The following PTCHD1 variants were observed in gnomAD, a reference collection of about 807,000 sequenced individuals.
The protein encoded by PTCHD1 is patched domain containing 1.
PTCHD1 carries 3 observed loss-of-function variants against 34.6 expected under a neutral mutation model. That is an observed-to-expected ratio of 0.09 (90% CI 0.04 to 0.22). PTCHD1 has a LOEUF of 0.22. Among genes scored for constraint, PTCHD1 ranks in the 10% least tolerant of loss-of-function variants. The probability of loss-of-function intolerance (pLI) is 1.00; values close to 1 mark genes in which losing one functional copy is unlikely to be tolerated. For missense variants in PTCHD1, 504 were observed against 685.5 expected, an observed-to-expected ratio of 0.74 and a Z score of 2.96; for synonymous variants, 305 against 283.1, an observed-to-expected ratio of 1.08 and a Z score of -0.77.
upstream of PTCHD1, chrX:23,334,787 TGCCGCCGCCGCCGCCGCC>T: frequency 5.7e-6 from 2 of 351,635 alleles, no homozygotes; most frequent in East Asian, 2.5e-4. Flanking sequence ...CGGGCGCCGC[TGCCGCCGCCGCCGCCGCC>T]GCCGCCGCCG....
In PTCHD1 at chrX:23,334,969, C is replaced by T; in HGVS notation, c.94C>T (p.Pro32Ser). 8.3e-7 allele frequency: 1 copy of T among 1,210,013 alleles called. No homozygotes were observed. Among genetic ancestry groups the T allele is most frequent in the Non-Finnish European group, 1.1e-6 (1 of 894,600 alleles). The change falls in exon 1 of 3, where the codon CCG becomes TCG. Residue 32 changes from proline to serine, a missense_variant. Physicochemically the swap from Pro to Ser is moderately conservative, Grantham distance 74 (BLOSUM62 -1). Coordinates refer to ENST00000379361, the MANE Select transcript of PTCHD1 (RefSeq NM_173495.3). ...TCACCCTGTCTTCTTCGCCTCGGCG[C>T]CGGTGCTCATCTCCATCCTGCTCGG... ...ASHPVFFASA[P>S]VLISILLGAS... is the part of the protein sequence containing the mutation.
At position 23,396,814 on chromosome X, in the gene PTCHD1, C is replaced by A. The variant is rs1330885064; in HGVS notation, c.*2629C>A. On this transcript the variant is annotated 3_prime_UTR_variant, in exon 3 of 3. Coordinates refer to ENST00000379361, the MANE Select transcript of PTCHD1 (RefSeq NM_173495.3). ...TTTTCTATTGGGAGATTATGCATGCCAAGATTTATTATTTATTGTTAGATA... is the reference window on the plus strand; with the variant it reads ...TTTTCTATTGGGAGATTATGCATGCAAAGATTTATTATTTATTGTTAGATA... 1 of 111,822 alleles carries A rather than the reference C, an allele frequency of 8.9e-6. No homozygotes were observed. Among genetic ancestry groups the A allele is most frequent in the African/African-American group, 3.3e-5 (1 of 30,661 alleles). 9.2% of individuals were successfully genotyped at this position (111,822 alleles called of 1,213,427 possible). A position where few individuals can be genotyped will look rare whatever the true frequency, so the allele number is the denominator to read the frequency against.
At chrX:23,373,599 G>A (rs1303170649) in intron 1 of PTCHD1, among the ~76,000 whole-genome samples, 1 of 112,671 alleles carries the variant, frequency 8.9e-6, no homozygotes, top group East Asian at 2.8e-4. Flanking sequence ...GCGACTTCTG[G>A]TGTTCTGATG....
At chrX:23,337,923 CA>C (rs1399737995) in intron 1 of PTCHD1, among the ~76,000 whole-genome samples, 27 of 102,361 alleles carry the variant, frequency 2.6e-4, no homozygotes, top group African/African-American at 5.7e-4. Context: ...TATTTGCTGA[CA>C]AAAAAAAAAT....
In PTCHD1 at chrX:23,393,618, G is replaced by T; in HGVS notation, c.2100G>T (p.Leu700=). The change falls in exon 3 of 3, where the codon CTG becomes CTT. Residue 700 remains leucine, a synonymous_variant. Coordinates refer to ENST00000379361, the MANE Select transcript of PTCHD1 (RefSeq NM_173495.3). Reference sequence around the variant, plus strand: ...ATGCCTCCTCTCTGGGAGCCCCCCTGCACAACTCCTGCATCAGTGCTTTGT... The same window carrying T: ...ATGCCTCCTCTCTGGGAGCCCCCCTTCACAACTCCTGCATCAGTGCTTTGT... ...DRYASSLGAP[L]HNSCISALFL... 8.3e-7 allele frequency: 1 copy of T among 1,211,559 alleles called. No individual in the cohort carries two copies. The highest frequency in any genetic ancestry group is 1.1e-6 in the Non-Finnish European group (1 of 895,378).
In PTCHD1 at chrX:23,379,674, T is replaced by C. The variant is rs780383104; in HGVS notation, c.435T>C (p.Asp145=). 8.3e-7 allele frequency: 1 copy of C among 1,211,261 alleles called. No homozygotes were observed. The highest frequency in any genetic ancestry group is 3.0e-5 in the East Asian group (1 of 33,835). ...TFAHICILNN[D]KTCIVDDIVH... ...CCCATATATGTATCCTGAATAATGA[T>C]AAGACTTGCATCGTGGATGACATAG... Residue 145 remains aspartate (D), a synonymous_variant, in exon 2 of 3, where the codon GAT becomes GAC. Transcript: ENST00000379361.
At chrX:23,347,373 G>A (rs56204388) in intron 1 of PTCHD1, among the ~76,000 whole-genome samples, 16,253 of 111,683 alleles carry the variant, frequency 0.15, 1,092 homozygotes, top group East Asian at 0.39. Context: ...GATTACAGCT[G>A]AAAGAGCAAA....
intron 1 of PTCHD1, among the ~76,000 whole-genome samples, chrX:23,348,387 G>T (rs1042139860): frequency 9.0e-6 from 1 of 110,531 alleles, no homozygotes; most frequent in African/African-American, 3.3e-5. Flanking sequence ...GACGTTTGAA[G>T]TAACAATGGC....
At chrX:23,364,371 G>GACACACACAC (rs200572986) in intron 1 of PTCHD1, among the ~76,000 whole-genome samples, 9 of 91,998 alleles carry the variant, frequency 9.8e-5, no homozygotes, top group Admixed American at 4.8e-4. Flanking sequence ...GAAGAGTGTA[G>GACACACACAC]ACACACACAC....
intron 1 of PTCHD1, among the ~76,000 whole-genome samples, chrX:23,372,807 C>A (rs756491990): frequency 8.9e-6 from 1 of 112,106 alleles, no homozygotes; most frequent in East Asian, 2.8e-4. Context: ...TCTTCACCCA[C>A]AAGCTAGCTC....
At chrX:23,351,019 G>C in intron 1 of PTCHD1, 1 of 352,187 alleles carries the variant, frequency 2.8e-6, no homozygotes, top group South Asian at 7.5e-5. Context: ...AGTAGGCTCT[G>C]TCTACTTTTC....
At chrX:23,351,279 G>T in intron 1 of PTCHD1, 1 of 826,227 alleles carries the variant, frequency 1.2e-6, no homozygotes, top group Non-Finnish European at 1.8e-6. Flanking sequence ...CATTCACTCT[G>T]TTCACACAAA....
chrX:23,344,721 C>T (rs972954895), intron 1 of PTCHD1, among the ~76,000 whole-genome samples: 1 of 111,560 alleles, frequency 9.0e-6, no homozygotes, highest in Middle Eastern at 4.6e-3. Flanking sequence ...TCAGAACCTA[C>T]TCTTCATGCC....
At position 23,394,435 on chromosome X, in the gene PTCHD1, CACACACACACACACA is replaced by C. The variant is rs1922930299; in HGVS notation, c.*251_*265del. The C allele has an allele frequency of 3.5e-5, 11 of 317,356 alleles. No homozygotes were observed. The East Asian group carries it at 6.0e-4, about 17-fold the overall frequency. 26.2% of individuals were successfully genotyped at this position (317,356 alleles called of 1,213,427 possible). A position where few individuals can be genotyped will look rare whatever the true frequency, so the allele number is the denominator to read the frequency against. ...ACACACACACACACACACACACACA[CACACACACACACACA>C]CCCTGGGAGACCTATAGTCTCTTAA... On this transcript the variant is annotated 3_prime_UTR_variant, in exon 3 of 3. Transcript: ENST00000379361.
At chrX:23,365,261 C>T (rs376047847) in intron 1 of PTCHD1, among the ~76,000 whole-genome samples, 31 of 112,009 alleles carry the variant, frequency 2.8e-4, no homozygotes, top group African/African-American at 9.7e-4. Context: ...GCTTTATTCC[C>T]TAACGGTTGA....
Position 23,334,926 on chromosome X carries a change from C to T in PTCHD1, c.51C>T (p.Leu17=). 4 of 1,203,134 alleles carry T rather than the reference C, an allele frequency of 3.3e-6. No homozygotes were observed. Among genetic ancestry groups the T allele is most frequent in the Non-Finnish European group, 4.5e-6 (4 of 891,436 alleles). The part of the protein sequence containing the change: ...HRGLRTCFSR[L]GHFIASHPVF... ...GCTTGAGGACGTGTTTCTCCCGGCT[C>T]GGCCACTTCATTGCCAGTCACCCTG... The change falls in exon 1 of 3, where the codon CTC becomes CTT. Residue 17 remains leucine (L), a synonymous_variant. Transcript: ENST00000379361.
At chrX:23,372,763 A>G (rs753057309) in intron 1 of PTCHD1, among the ~76,000 whole-genome samples, 10 of 111,944 alleles carry the variant, frequency 8.9e-5, no homozygotes, top group Non-Finnish European at 1.5e-4. Context: ...TGTTTCTGTG[A>G]GCATCGGGTC....
In PTCHD1 at chrX:23,399,672, T is replaced by A. The variant is rs1923073312; in HGVS notation, c.*5487T>A. 8.9e-6 allele frequency: 1 copy of A among 112,356 alleles called. No homozygotes were observed. The highest frequency in any genetic ancestry group is 3.7e-4 in the South Asian group (1 of 2,708). 9.3% of individuals were successfully genotyped at this position (112,356 alleles called of 1,213,427 possible). A position where few individuals can be genotyped will look rare whatever the true frequency, so the allele number is the denominator to read the frequency against. On this transcript the variant is annotated 3_prime_UTR_variant, in exon 3 of 3. Coordinates refer to ENST00000379361, the MANE Select transcript of PTCHD1 (RefSeq NM_173495.3). ...CTATTCATTTATTCTTCATTCATTC[T>A]TTCATTCATTCATTTCTTTATTCTG... is the stretch of plus-strand genomic sequence containing the variant.
At chrX:23,340,676 GA>G (rs1921284625) in intron 1 of PTCHD1, among the ~76,000 whole-genome samples, 2 of 112,153 alleles carry the variant, frequency 1.8e-5, no homozygotes, top group African/African-American at 6.5e-5. Flanking sequence ...CGGAATCAAA[GA>G]ACCTTCGGTT....
Sources: gnomAD v4.1 joint callset for allele counts (sites outside exome capture counted in the v4.1 genomes callset) on GRCh38, gnomAD v4.1.1 for gene constraint, MANE v1.5 for transcripts, NCBI Gene and HGNC (gene_info 2026-07-23, HGNC 2026-07-21) for gene names.